Variants in KIF19 observed in about 807,000 individuals in gnomAD.
KIF19 encodes the protein kinesin family member 19.
Under a neutral mutation model 106.6 loss-of-function variants are expected in KIF19, and 98 were observed. That is an observed-to-expected ratio of 0.92 (90% confidence interval 0.78 to 1.09). The LOEUF is 1.09. Among genes scored for constraint, KIF19 ranks in the 50% least tolerant of loss-of-function variants. KIF19 has a pLI of 0.00. For missense variants in KIF19, 1,373 were observed against 1,414.3 expected (o/e 0.97, Z 0.47); for synonymous variants, 516 against 584.2 (o/e 0.88, Z 1.68).
At chr17:74,343,679 G>A (rs921538201) in intron 5 of KIF19, among the ~76,000 whole-genome samples, 7 of 152,220 alleles carry the variant, frequency 4.6e-5, no homozygotes, top group African/African-American at 9.6e-5. Context: ...TCCTCCGGGA[G>A]CTGATAATCT....
Position 74,350,573 on chromosome 17 carries a change from CG to C in KIF19, c.1388+1del. The C allele has an allele frequency of 6.2e-7, 1 of 1,612,752 alleles. No individual in the cohort carries two copies. The highest frequency in any genetic ancestry group is 8.5e-7 in the Non-Finnish European group (1 of 1,179,748). On this transcript the variant is annotated frameshift_variant and splice_region_variant, in exon 11 of 20. Transcript: ENST00000389916. LOFTEE classifies it high-confidence loss of function. ...CCTCCCGACACCTGCTCACCATCGCCGGGTAAGCCCCCCTCCCAGGACCCTC... is the reference window on the plus strand; with the variant it reads ...CCTCCCGACACCTGCTCACCATCGCCGGTAAGCCCCCCTCCCAGGACCCTC... ...DTSRHLLTIAGWKHEKSRRAL... is the reference protein window; with the variant it reads ...DTSRHLLTIAXWKHEKSRRAL...
At chr17:74,340,774 G>T (rs1341748275) in intron 2 of KIF19, among the ~76,000 whole-genome samples, 5 of 152,252 alleles carry the variant, frequency 3.3e-5, no homozygotes, top group Admixed American at 6.5e-5. Context: ...CAAGCCCAGC[G>T]TGCTGACCTC....
intron 1 of KIF19, 36 bp from the exon 2 acceptor site, chr17:74,328,389 T>G: frequency 6.3e-7 from 1 of 1,576,174 alleles, no homozygotes; most frequent in South Asian, 1.2e-5. Context: ...CATGGTCCTC[T>G]CCCTCTAATC....
intron 2 of KIF19, among the ~76,000 whole-genome samples, chr17:74,335,225 T>C (rs2054190946): frequency 6.6e-6 from 1 of 152,166 alleles, no homozygotes; most frequent in Non-Finnish European, 1.5e-5. Context: ...CCAGGGATAC[T>C]GCTCAACATT....
At position 74,340,503 on chromosome 17, in the gene KIF19, C is replaced by T. The variant is rs567758760; in HGVS notation, c.121-1373C>T. On this transcript the variant is annotated intron_variant, in intron 2 of 19. Coordinates refer to ENST00000389916, the MANE Select transcript of KIF19 (RefSeq NM_153209.4). Reference sequence around the variant, plus strand: ...TTACCTTTGGAGGAAGGGAAGAACCCGGCCAGGACCCTTCTGTGTCTCAAC... The same window carrying T: ...TTACCTTTGGAGGAAGGGAAGAACCTGGCCAGGACCCTTCTGTGTCTCAAC... Among the ~76,000 whole-genome samples the T allele has an allele frequency of 2.6e-5, 4 of 151,182 alleles. No homozygotes were observed. In the South Asian group the frequency reaches 8.4e-4, roughly 32 times the overall value.
At chr17:74,339,536 A>G (rs2054302749) in intron 2 of KIF19, among the ~76,000 whole-genome samples, 1 of 150,846 alleles carries the variant, frequency 6.6e-6, no homozygotes, top group African/African-American at 2.4e-5. Context: ...GAAAGAGGGG[A>G]CCAATGAGAC....
At chr17:74,340,145 G>A (rs538971364) in intron 2 of KIF19, among the ~76,000 whole-genome samples, 48 of 152,242 alleles carry the variant, frequency 3.2e-4, no homozygotes, top group African/African-American at 1.1e-3. Context: ...GCTCAAGCAG[G>A]TTATACCAGG....
At chr17:74,332,210 TTGTGTGTGTGTGTGTGTG>T (rs71157056) in intron 2 of KIF19, among the ~76,000 whole-genome samples, 1 of 108,848 alleles carries the variant, frequency 9.2e-6, no homozygotes, top group Non-Finnish European at 2.0e-5. Context: ...GTGTGTGTGT[TTGTGTGTGTGTGTGTGTG>T]TGTGTGTGTG....
In KIF19 at chr17:74,352,202, T is replaced by C. The variant is rs760447517; in HGVS notation, c.1859-17T>C. ...GGGGCCGCTGGCACTCACTGAGCCC[T>C]GCCCCTTCCCCAGCAGACTACAACC... On this transcript the variant is annotated splice_polypyrimidine_tract_variant and intron_variant, in intron 13 of 19. Transcript: ENST00000389916. The C allele has an allele frequency of 6.2e-7, 1 of 1,607,314 alleles. No individual in the cohort carries two copies. The highest frequency in any genetic ancestry group is 8.5e-7 in the Non-Finnish European group (1 of 1,176,344).
chr17:74,344,697 G>T (rs1199023537), intron 6 of KIF19, 64 bp from the exon 7 acceptor site: 2 of 1,512,902 alleles, frequency 1.3e-6, no homozygotes, highest in East Asian at 2.3e-5. Flanking sequence ...CCCCCTCAGG[G>T]GCTCCTCTCT....
Position 74,354,512 on chromosome 17 carries a change from AAG to A in KIF19, c.2663_2664del (p.Arg888LysfsTer110). The part of the protein sequence containing the change: ...GKKREESLEA[K>X]RRKRRSRSFE... ...GAAAAGGGAGGAGTCGCTGGAGGCA[AAG>A]AGAAGGAAGCGGAGGTCCCGATCCT... On this transcript the variant is annotated frameshift_variant, in exon 18 of 20. Coordinates refer to ENST00000389916, the MANE Select transcript of KIF19 (RefSeq NM_153209.4). LOFTEE classifies it high-confidence loss of function. 6.2e-7 allele frequency: 1 copy of A among 1,603,830 alleles called. No individual in the cohort carries two copies. The highest frequency in any genetic ancestry group is 8.5e-7 in the Non-Finnish European group (1 of 1,175,910).
Position 74,344,311 on chromosome 17 carries a change from C to T in KIF19, c.545C>T (p.Ala182Val), listed in dbSNP as rs2054468392. Residue 182 changes from alanine to valine, a missense_variant, in exon 6 of 20, where the codon GCC (alanine) becomes GTC (valine). Coordinates refer to ENST00000389916, the MANE Select transcript of KIF19 (RefSeq NM_153209.4). ...REDSKGVIQV[A>V]GITEVSTINA... ...GACTCTAAGGGGGTGATCCAGGTGGCCGGCATCACCGAAGTCTCCACCATC... is the reference window on the plus strand; with the variant it reads ...GACTCTAAGGGGGTGATCCAGGTGGTCGGCATCACCGAAGTCTCCACCATC... The T allele has an allele frequency of 6.2e-7, 1 of 1,612,846 alleles. No homozygotes were observed. The highest frequency in any genetic ancestry group is 1.3e-5 in the African/African-American group (1 of 75,060).
At chr17:74,342,814 G>C (rs1200717246) in intron 4 of KIF19, 97 bp downstream of exon 4, 17 of 1,315,364 alleles carry the variant, frequency 1.3e-5, no homozygotes, top group Non-Finnish European at 1.7e-5. Flanking sequence ...CAGGAATCCA[G>C]GATGTGGTCG....
At chr17:74,330,401 A>C (rs535030954) in intron 2 of KIF19, among the ~76,000 whole-genome samples, 1 of 152,350 alleles carries the variant, frequency 6.6e-6, no homozygotes, top group East Asian at 1.9e-4. Context: ...CATAGATGTC[A>C]GTTATCAACG....
Position 74,352,875 on chromosome 17 carries a change from G to A in KIF19, c.2035G>A (p.Asp679Asn), listed in dbSNP as rs528359606. 6.2e-7 allele frequency: 1 copy of A among 1,613,822 alleles called. No individual in the cohort carries two copies. The highest frequency in any genetic ancestry group is 8.5e-7 in the Non-Finnish European group (1 of 1,179,882). ...PAGTSLTPDS[D>N]LESVKTLSSD... Reference sequence around the variant, plus strand: ...AGGAACCTCACTGACCCCAGATTCTGACCTGGAGAGTGTGAAGACATTGAG... The same window carrying A: ...AGGAACCTCACTGACCCCAGATTCTAACCTGGAGAGTGTGAAGACATTGAG... The change falls in exon 15 of 20, where the codon GAC becomes AAC. Residue 679 changes from aspartate to asparagine, a missense_variant. By Grantham distance (23) the Asp-to-Asn change is conservative (BLOSUM62 1). Transcript: ENST00000389916.
intron 9 of KIF19, among the ~76,000 whole-genome samples, chr17:74,348,136 C>A (rs1052438649): frequency 3.3e-5 from 5 of 152,252 alleles, no homozygotes; most frequent in African/African-American, 1.2e-4. Context: ...CTGTGCTCCC[C>A]CTGCCTCATC....
chr17:74,352,089 C>T lies in KIF19; in HGVS notation c.1810C>T (p.Arg604Cys), dbSNP rs769369176. The T allele has an allele frequency of 3.1e-6, 5 of 1,589,896 alleles. No homozygotes were observed. The highest frequency in any genetic ancestry group is 2.2e-5 in the South Asian group (2 of 89,300). The change falls in exon 13 of 20, where the codon CGC becomes TGC. Residue 604 changes from arginine (R) to cysteine (C), a missense_variant. Physicochemically the swap from Arg to Cys is radical, Grantham distance 180. Transcript: ENST00000389916. ...HEAVRRLEQH[R>C]SLCDEIIQGQ... ...GGCCGTGCGCCGCCTGGAGCAGCAC[C>T]GCAGTCTCTGCGACGAGATTATCCA... is the stretch of plus-strand genomic sequence containing the variant.
rs1323622917 is a variant in KIF19, at chr17:74,344,267, C to A, written c.501C>A (p.Gly167=). 1 of 1,612,980 alleles carries A rather than the reference C, an allele frequency of 6.2e-7. No individual in the cohort carries two copies. The highest frequency in any genetic ancestry group is 1.7e-5 in the Admixed American group (1 of 59,984). Residue 167 remains glycine, a synonymous_variant, in exon 6 of 20, where the codon GGC becomes GGA. Transcript: ENST00000389916. ...MIRDLLNPSL[G]YLELREDSKG... is the part of the protein sequence containing the mutation. ...GGGACCTGCTGAACCCCTCCCTGGG[C>A]TACCTGGAGCTGCGGGAGGACTCTA... is the stretch of plus-strand genomic sequence containing the variant.
intron 2 of KIF19, among the ~76,000 whole-genome samples, chr17:74,339,666 A>T (rs1318116120): frequency 6.6e-6 from 1 of 152,128 alleles, no homozygotes; most frequent in Non-Finnish European, 1.5e-5. Flanking sequence ...CCCAGGGAGC[A>T]TGCTCCCTTC....
Sources: gnomAD v4.1 joint callset for allele counts (sites outside exome capture counted in the v4.1 genomes callset) on GRCh38, gnomAD v4.1.1 for gene constraint, MANE v1.5 for transcripts, NCBI Gene and HGNC (gene_info 2026-07-23, HGNC 2026-07-21) for gene names.